QSOX2: variants seen among roughly 807,000 people sequenced by gnomAD.
QSOX2 encodes sulfhydryl oxidase 2.
In QSOX2, 46 loss-of-function variants were observed where a neutral mutation model predicts 61.7. That is an observed-to-expected ratio of 0.75 (90% CI 0.59 to 0.95). QSOX2 has a LOEUF of 0.95. Among genes scored for constraint, QSOX2 ranks in the 40% least tolerant of loss-of-function variants. QSOX2 has a pLI of 0.00. For missense variants in QSOX2, 879 were observed against 918.9 expected (o/e 0.96, Z 0.56); for synonymous variants, 383 against 388.4 (o/e 0.99, Z 0.16).
chr9:136,243,609 C>T (rs1042541921), intron 1 of QSOX2, among the ~76,000 whole-genome samples: 9 of 152,232 alleles, frequency 5.9e-5, no homozygotes, highest in African/African-American at 2.2e-4. Context: ...AACGTGACTG[C>T]CTAGAGCACA....
intron 1 of QSOX2, among the ~76,000 whole-genome samples, 178 bp from the exon 2 acceptor site, chr9:136,227,052 T>A (rs1485460069): frequency 6.6e-6 from 1 of 152,096 alleles, no homozygotes; most frequent in African/African-American, 2.4e-5. Context: ...GAGAGAGAAC[T>A]CCACCAACAG....
chr9:136,210,787 G>A (rs1025695062), intron 11 of QSOX2: 70 of 985,106 alleles, frequency 7.1e-5, no homozygotes, highest in Non-Finnish European at 8.3e-5. Context: ...TTTAGGAACA[G>A]TTTGAAGTAC....
intron 10 of QSOX2, among the ~76,000 whole-genome samples, chr9:136,213,920 G>A (rs1460184494): frequency 1.3e-5 from 2 of 152,112 alleles, no homozygotes; most frequent in Non-Finnish European, 2.9e-5. Flanking sequence ...CAGAAGAACC[G>A]CCCAGCCGAG....
At position 136,222,748 on chromosome 9, in the gene QSOX2, C is replaced by T. The variant is rs943081243; in HGVS notation, c.676-807G>A. On this transcript the variant is annotated intron_variant, in intron 5 of 11. Coordinates refer to ENST00000358701, the MANE Select transcript of QSOX2 (RefSeq NM_181701.4). The surrounding 1 kb of genome is among the most constrained non-coding windows in gnomAD (Gnocchi z 6.9). ...CCAGCATGCCAGGCAGGTAGGGGAG[C>T]GTGCCCGGCACCAAGACGGTCCCAC... is the stretch of plus-strand genomic sequence containing the variant. 6.6e-6 allele frequency among the ~76,000 whole-genome samples: 1 copy of T among 152,186 alleles called. No individual in the cohort carries two copies.
chr9:136,215,316 A>G lies in QSOX2; in HGVS notation c.1210-12T>C. The G allele has an allele frequency of 6.3e-7, 1 of 1,597,678 alleles. No individual in the cohort carries two copies. The highest frequency in any genetic ancestry group is 8.5e-7 in the Non-Finnish European group (1 of 1,172,258). On this transcript the variant is annotated splice_polypyrimidine_tract_variant and intron_variant, in intron 9 of 11. Transcript: ENST00000358701. Reference sequence around the variant, plus strand: ...AATATTCCAGAAATCTGAAAAACAAACAAACAAAAAAACCCCAAAGAATAA... The same window carrying G: ...AATATTCCAGAAATCTGAAAAACAAGCAAACAAAAAAACCCCAAAGAATAA...
intron 2 of QSOX2, among the ~76,000 whole-genome samples, chr9:136,225,318 A>G (rs920955952): frequency 3.3e-5 from 5 of 152,224 alleles, no homozygotes; most frequent in African/African-American, 1.2e-4. Flanking sequence ...CTCTGAGTGG[A>G]TGATTAGGTT....
At chr9:136,212,634 C>G (rs1831860869) in intron 10 of QSOX2, among the ~76,000 whole-genome samples, 1 of 152,294 alleles carries the variant, frequency 6.6e-6, no homozygotes, top group South Asian at 2.1e-4. Flanking sequence ...TGACCCGGCC[C>G]GTCTGCCCTG....
Position 136,221,887 on chromosome 9 carries a change from C to A in QSOX2, c.730G>T (p.Gly244Trp). The A allele has an allele frequency of 6.2e-7, 1 of 1,612,420 alleles. No individual in the cohort carries two copies. Among genetic ancestry groups the A allele is most frequent in the Non-Finnish European group, 8.5e-7 (1 of 1,179,280 alleles). The stretch of plus-strand genomic sequence containing the variant: ...AGTTTCTCCAGAAATGCTTTGTCCC[C>A]GTCCAGTGCTCGGGTCACCACGATG... ...ESIVVTRALD[G>W]DKAFLEKLGV... is the part of the protein sequence containing the mutation. The change falls in exon 6 of 12, where the codon GGG (glycine) becomes TGG (tryptophan). Residue 244 changes from glycine to tryptophan, a missense_variant. Transcript: ENST00000358701. This position sits in a 1 kb window ranked among gnomAD's most constrained non-coding sequence, Gnocchi z 4.5.
intron 1 of QSOX2, 103 bp downstream of exon 1, chr9:136,245,373 C>CG: frequency 1.1e-6 from 1 of 950,740 alleles, no homozygotes; most frequent in Non-Finnish European, 1.5e-6. Flanking sequence ...GAAAGAAATA[C>CG]GGGGGAGGGG....
At chr9:136,237,470 ACACCTGGAGCCCGTCCTGTGCCG>A in intron 1 of QSOX2, among the ~76,000 whole-genome samples, 1 of 48,032 alleles carries the variant, frequency 2.1e-5, no homozygotes, top group Non-Finnish European at 4.3e-5. Flanking sequence ...TGTGCCGGCG[ACACCTGGAGCCCGTCCTGTGCCG>A]GCGACACCTG....
In QSOX2 at chr9:136,226,856, C is replaced by T. The variant is rs144677667; in HGVS notation, c.347G>A (p.Arg116His). ...TTCCATGCAGTCCAGAGCTGCGACGCGAATGGCACTGGCCCAGTCTGAAAA... is the reference window on the plus strand; with the variant it reads ...TTCCATGCAGTCCAGAGCTGCGACGTGAATGGCACTGGCCCAGTCTGAAAA... ...GDVRDWASAI[R>H]VAALDCMEEK... The change falls in exon 2 of 12, where the codon CGC (arginine) becomes CAC (histidine). Residue 116 changes from arginine to histidine, a missense_variant. By Grantham distance (29) the Arg-to-His change is conservative. Transcript: ENST00000358701. 5.1e-5 allele frequency: 83 copies of T among 1,614,028 alleles called. No individual in the cohort carries two copies. Among genetic ancestry groups the T allele is most frequent in the Non-Finnish European group, 6.4e-5 (76 of 1,179,994 alleles).
chr9:136,226,666 A>C, intron 2 of QSOX2, 108 bp downstream of exon 2: 1 of 878,206 alleles, frequency 1.1e-6, no homozygotes, highest in Non-Finnish European at 2.0e-6. Flanking sequence ...CCGAAAACAC[A>C]GGCACTATGA....
intron 1 of QSOX2, among the ~76,000 whole-genome samples, chr9:136,233,536 G>C (rs1452765040): frequency 6.6e-6 from 1 of 152,218 alleles, no homozygotes; most frequent in African/African-American, 2.4e-5. Flanking sequence ...CGCCATCGTT[G>C]TTATAGGAAG....
Position 136,208,382 on chromosome 9 carries a change from A to G in QSOX2, c.*346T>C, listed in dbSNP as rs1027267436. On this transcript the variant is annotated 3_prime_UTR_variant, in exon 12 of 12. Coordinates refer to ENST00000358701, the MANE Select transcript of QSOX2 (RefSeq NM_181701.4). ...AGGATGGGGCGGAGTGGAGGAAACG[A>G]GATGAAAGTGTGTGGGGAAGACTAT... The G allele has an allele frequency of 1.1e-5, 2 of 180,234 alleles. No individual in the cohort carries two copies. Among genetic ancestry groups the G allele is most frequent in the South Asian group, 3.1e-4 (2 of 6,370 alleles). The allele number at this position is 180,234 out of a possible 1,614,324, so 11.2% of individuals were successfully genotyped here.
rs1831981718 is a variant in QSOX2, at chr9:136,221,639, C to A, written c.821+157G>T. Among the ~76,000 whole-genome samples, 1 of 152,184 alleles carries A rather than the reference C, an allele frequency of 6.6e-6. No homozygotes were observed. Among genetic ancestry groups the A allele is most frequent in the African/African-American group, 2.4e-5 (1 of 41,430 alleles). On this transcript the variant is annotated intron_variant, in intron 6 of 11. Transcript: ENST00000358701. The surrounding 1 kb of genome is among the most constrained non-coding windows in gnomAD (Gnocchi z 4.5). The stretch of plus-strand genomic sequence containing the variant: ...AAAACACAGCACAGATCAGCAATAC[C>A]CACGGGCTGAGAGCCAGGGCCCAAA...
In QSOX2 at chr9:136,209,711, ACC is replaced by A. The variant is rs781690243; in HGVS notation, c.1550-438_1550-437del. The stretch of plus-strand genomic sequence containing the variant: ...CCTGAGGGTGCACCTGAGGCCCACT[ACC>A]TACAGAGCCCCGGCCACCTGGGTGC... On this transcript the variant is annotated intron_variant, in intron 11 of 11. Coordinates refer to ENST00000358701, the MANE Select transcript of QSOX2 (RefSeq NM_181701.4). This position sits in a 1 kb window ranked among gnomAD's most constrained non-coding sequence, Gnocchi z 5.6. 6 of 984,276 alleles carry A rather than the reference ACC, an allele frequency of 6.1e-6. No individual in the cohort carries two copies. Among genetic ancestry groups the A allele is most frequent in the Non-Finnish European group, 7.2e-6 (6 of 829,578 alleles). 61.0% of individuals were successfully genotyped at this position (984,276 alleles called of 1,614,324 possible).
At chr9:136,211,932 T>TG (rs1378956945) in intron 10 of QSOX2, among the ~76,000 whole-genome samples, 1 of 152,226 alleles carries the variant, frequency 6.6e-6, no homozygotes, top group Non-Finnish European at 1.5e-5. Flanking sequence ...AACCTGCAGC[T>TG]GTCGCGTTTG....
chr9:136,217,106 C>T (rs148662594), intron 8 of QSOX2, among the ~76,000 whole-genome samples: 2 of 152,376 alleles, frequency 1.3e-5, no homozygotes, highest in African/African-American at 4.8e-5. Flanking sequence ...GTGCTGACCC[C>T]GCCTGCCCGC....
intron 1 of QSOX2, among the ~76,000 whole-genome samples, chr9:136,236,293 T>C (rs892428105): frequency 9.2e-5 from 14 of 152,214 alleles, no homozygotes; most frequent in African/African-American, 3.4e-4. Flanking sequence ...TGCCGGCCCC[T>C]GGGGAGACGC....
Sources: allele counts gnomAD v4.1 joint callset (sites outside exome capture counted in the v4.1 genomes callset), GRCh38; gene constraint gnomAD v4.1.1; non-coding constraint Gnocchi (gnomAD v3.1); transcripts MANE v1.5; gene names NCBI Gene and HGNC (gene_info 2026-07-23, HGNC 2026-07-21).